Variants in MTA3 observed in about 807,000 individuals in gnomAD.
MTA3 encodes metastasis associated 1 family member 3, also known as metastasis-associated protein MTA3.
MTA3 carries 34 observed loss-of-function variants against 83.5 expected under a neutral mutation model. That is an observed-to-expected ratio of 0.41 (90% CI 0.31 to 0.54). The LOEUF is 0.54. Ranked by LOEUF, MTA3 falls within the 20% of genes least tolerant of loss-of-function variation. The probability of loss-of-function intolerance (pLI) is 0.33; values close to 1 mark genes in which losing one functional copy is unlikely to be tolerated. For missense variants in MTA3, 761 were observed against 726.4 expected (o/e 1.05, Z -0.55); for synonymous variants, 303 against 252.7 (o/e 1.20, Z -1.89).
At chr2:42,611,364 C>T (rs1684203242) in intron 4 of MTA3, among the ~76,000 whole-genome samples, 1 of 151,414 alleles carries the variant, frequency 6.6e-6, no homozygotes, top group Admixed American at 6.6e-5. Flanking sequence ...TGCTCCAATT[C>T]CTGATACCTT....
intron 10 of MTA3, among the ~76,000 whole-genome samples, chr2:42,696,279 G>T (rs569106769): frequency 6.6e-6 from 1 of 152,066 alleles, no homozygotes; most frequent in Non-Finnish European, 1.5e-5. Context: ...CTATACCCCC[G>T]AAATCCTTGA....
At chr2:42,709,331 G>T in intron 14 of MTA3, 1 of 1,329,964 alleles carries the variant, frequency 7.5e-7, no homozygotes, top group Non-Finnish European at 9.6e-7. Context: ...AGAGAGTAGT[G>T]CTTAGCAAAA....
At chr2:42,590,694 C>T (rs1307667381) in intron 3 of MTA3, among the ~76,000 whole-genome samples, 1 of 145,876 alleles carries the variant, frequency 6.9e-6, no homozygotes, top group African/African-American at 2.5e-5. Context: ...GATCTCGGCT[C>T]ACTGCAACCT....
intron 16 of MTA3, among the ~76,000 whole-genome samples, chr2:42,723,942 A>G (rs1212591736): frequency 6.6e-6 from 1 of 152,198 alleles, no homozygotes; most frequent in Non-Finnish European, 1.5e-5. Context: ...AAAAATGTGT[A>G]AAACAGTGAG....
intron 11 of MTA3, chr2:42,703,707 G>C (rs541070916): frequency 6.5e-6 from 1 of 154,210 alleles, no homozygotes; most frequent in Non-Finnish European, 1.4e-5. Context: ...TGGCTAACAC[G>C]GTGAAACCCC....
intron 4 of MTA3, among the ~76,000 whole-genome samples, chr2:42,635,470 A>G (rs1396424308): frequency 2.6e-5 from 4 of 152,118 alleles, no homozygotes; most frequent in African/African-American, 7.2e-5. Flanking sequence ...TTTACTAAAA[A>G]TACAAAAATG....
intron 3 of MTA3, among the ~76,000 whole-genome samples, chr2:42,595,039 C>G (rs1267492189): frequency 2.1e-5 from 3 of 145,822 alleles, no homozygotes; most frequent in Non-Finnish European, 1.5e-5. Flanking sequence ...AGGTGTGAGC[C>G]ACCACACTGG....
In MTA3 at chr2:42,587,019, C is replaced by T. The variant is rs141357352; in HGVS notation, c.190+7819C>T. On this transcript the variant is annotated intron_variant, in intron 3 of 16. Coordinates refer to ENST00000405094, the MANE Select transcript of MTA3 (RefSeq NM_001330442.2). Reference sequence around the variant, plus strand: ...GCCTGGTGACAGAGTGAGACTCCATCTCAAAAAAAATAAAAATGCAAAAAT... The same window carrying T: ...GCCTGGTGACAGAGTGAGACTCCATTTCAAAAAAAATAAAAATGCAAAAAT... Among the ~76,000 whole-genome samples, 613 of 151,342 alleles carry T rather than the reference C, an allele frequency of 4.1e-3. 2 individuals carry two copies. Among genetic ancestry groups the T allele is most frequent in the Non-Finnish European group, 6.9e-3 (465 of 67,870 alleles).
rs1573867543 is a variant in MTA3 at position 42,755,159 on chromosome 2, A to G, written c.*1760A>G. Reference sequence around the variant, plus strand: ...CGCATCACGTGGATGTTTCTTCCCTAAAGAAAAAGACACAGGAAAGCTGTC... The same window carrying G: ...CGCATCACGTGGATGTTTCTTCCCTGAAGAAAAAGACACAGGAAAGCTGTC... On this transcript the variant is annotated 3_prime_UTR_variant, in exon 17 of 17. Coordinates refer to ENST00000405094, the MANE Select transcript of MTA3 (RefSeq NM_001330442.2). 1 of 985,338 alleles carries G rather than the reference A, an allele frequency of 1.0e-6. No individual in the cohort carries two copies. Among genetic ancestry groups the G allele is most frequent in the African/African-American group, 1.7e-5 (1 of 57,226 alleles). The allele number at this position is 985,338 out of a possible 1,614,324, so 61.0% of individuals were successfully genotyped here. A position where few individuals can be genotyped will look rare whatever the true frequency, so the allele number is the denominator to read the frequency against.
chr2:42,695,634 C>CAAAAAAAAAAA (rs70963347), intron 9 of MTA3, 131 bp from the exon 10 acceptor site: 25 of 130,788 alleles, frequency 1.9e-4, no homozygotes, highest in African/African-American at 8.8e-4. Flanking sequence ...CAGTCTATCT[C>CAAAAAAAAAAA]AAAAAAAAAA....
chr2:42,588,513 G>C (rs1465240483), intron 3 of MTA3, among the ~76,000 whole-genome samples: 1 of 152,114 alleles, frequency 6.6e-6, no homozygotes, highest in East Asian at 1.9e-4. Flanking sequence ...AATTCAATTA[G>C]GTCTTCTTTC....
intron 3 of MTA3, among the ~76,000 whole-genome samples, chr2:42,607,920 TA>T (rs1683690574): frequency 2.0e-5 from 3 of 152,294 alleles, no homozygotes; most frequent in East Asian, 3.9e-4. Flanking sequence ...TACTGCACTC[TA>T]GCCTGGGTGA....
intron 2 of MTA3, among the ~76,000 whole-genome samples, chr2:42,535,037 G>GTCA (rs1676158409): frequency 6.6e-6 from 1 of 151,958 alleles, no homozygotes; most frequent in Non-Finnish European, 1.5e-5. Context: ...TCATTGGCTT[G>GTCA]TTATCTATTA....
intron 2 of MTA3, among the ~76,000 whole-genome samples, chr2:42,551,630 G>T (rs945008174): frequency 6.6e-6 from 1 of 152,162 alleles, no homozygotes; most frequent in African/African-American, 2.4e-5. Flanking sequence ...GGTATGTCAG[G>T]TGTGTTATGG....
chr2:42,623,890 A>G (rs1459857045), intron 4 of MTA3, among the ~76,000 whole-genome samples: 1 of 151,870 alleles, frequency 6.6e-6, no homozygotes, highest in Non-Finnish European at 1.5e-5. Flanking sequence ...ACGGGGTTTC[A>G]CCATGGTGGC....
chr2:42,538,975 C>G (rs1676396333), intron 2 of MTA3, among the ~76,000 whole-genome samples: 1 of 151,254 alleles, frequency 6.6e-6, no homozygotes, highest in Non-Finnish European at 1.5e-5. Context: ...GGGGTTTCAC[C>G]TTGTTAGCCA....
At chr2:42,526,039 C>G (rs1197049577) in intron 2 of MTA3, among the ~76,000 whole-genome samples, 1 of 152,080 alleles carries the variant, frequency 6.6e-6, no homozygotes, top group Non-Finnish European at 1.5e-5. Context: ...CCAGAGTACC[C>G]AGGAATTTCA....
intron 8 of MTA3, among the ~76,000 whole-genome samples, chr2:42,666,379 A>G (rs888409031): frequency 1.3e-5 from 2 of 152,178 alleles, no homozygotes; most frequent in African/African-American, 2.4e-5. Flanking sequence ...TAAAACTTAG[A>G]TCATTACTGG....
chr2:42,560,345 C>G (rs542623035), intron 2 of MTA3, among the ~76,000 whole-genome samples: 4 of 151,240 alleles, frequency 2.6e-5, no homozygotes, highest in African/African-American at 9.7e-5. Context: ...GGCAAGTGAG[C>G]TTTTAAAAAC....
Sources: gnomAD v4.1 joint callset for allele counts (sites outside exome capture counted in the v4.1 genomes callset) on GRCh38, gnomAD v4.1.1 for gene constraint, MANE v1.5 for transcripts, NCBI Gene and HGNC (gene_info 2026-07-23, HGNC 2026-07-21) for gene names.